The following CERS6 variants were observed in gnomAD, a reference collection of about 807,000 sequenced individuals.
CERS6 encodes LAG1 homolog, ceramide synthase 6.
Under a neutral mutation model 56.8 loss-of-function variants are expected in CERS6, and 26 were observed. That is an observed-to-expected ratio of 0.46 (90% CI 0.34 to 0.63). The LOEUF (loss-of-function observed/expected upper bound fraction) is 0.63. Ranked by LOEUF, CERS6 falls within the 30% of genes least tolerant of loss-of-function variation. CERS6 has a pLI of 0.01. For missense variants in CERS6, 415 were observed against 467.5 expected (o/e 0.89, Z 1.04); for synonymous variants, 164 against 173.3 (o/e 0.95, Z 0.42).
At chr2:168,493,206 AT>A (rs1199774608) in intron 1 of CERS6, among the ~76,000 whole-genome samples, 4 of 151,954 alleles carry the variant, frequency 2.6e-5, no homozygotes, top group Non-Finnish European at 4.4e-5. Context: ...ATGAAAAAAA[AT>A]TTTTTTTCTT....
At chr2:168,470,798 T>C (rs1229867746) in intron 1 of CERS6, among the ~76,000 whole-genome samples, 1 of 152,216 alleles carries the variant, frequency 6.6e-6, no homozygotes, top group Non-Finnish European at 1.5e-5. Flanking sequence ...ATGTGTTTTA[T>C]GTTCATAGTT....
chr2:168,670,432 G>T (rs1201181108), intron 4 of CERS6, among the ~76,000 whole-genome samples: 3 of 152,130 alleles, frequency 2.0e-5, no homozygotes, highest in Non-Finnish European at 4.4e-5. Context: ...AGCAAAGACT[G>T]CACCTAAGGA....
chr2:168,715,958 TA>T lies in CERS6; in HGVS notation c.738+831del, dbSNP rs761567080. On this transcript the variant is annotated intron_variant, in intron 7 of 9. Transcript: ENST00000305747. Reference sequence around the variant, plus strand: ...TTCCTTTAGGCCCACCGTTTTGCTTTAAGTGCTTTGTTTTGCCACCTTTGAA... The same window carrying T: ...TTCCTTTAGGCCCACCGTTTTGCTTTAGTGCTTTGTTTTGCCACCTTTGAA... Among the ~76,000 whole-genome samples the T allele has an allele frequency of 3.5e-4, 53 of 152,296 alleles. 1 individual carries two copies. The highest frequency in any genetic ancestry group is 1.4e-3 in the Admixed American group (22 of 15,292).
chr2:168,511,950 GCACACACACACACA>G (rs10568314), intron 1 of CERS6, among the ~76,000 whole-genome samples: 1 of 148,540 alleles, frequency 6.7e-6, no homozygotes, highest in East Asian at 2.0e-4. Flanking sequence ...GCATGCACGT[GCACACACACACACA>G]CACACACACA....
chr2:168,473,475 T>C (rs1484127180), intron 1 of CERS6, among the ~76,000 whole-genome samples: 2 of 152,160 alleles, frequency 1.3e-5, no homozygotes, highest in Non-Finnish European at 2.9e-5. Flanking sequence ...CTGAATTCTT[T>C]TCGGTTTTCC....
intron 1 of CERS6, among the ~76,000 whole-genome samples, chr2:168,491,628 T>C (rs543130913): frequency 6.6e-6 from 1 of 152,300 alleles, no homozygotes; most frequent in Non-Finnish European, 1.5e-5. Context: ...GTTTTCTAGC[T>C]TCTCTTTTTT....
rs187010711 is a variant in CERS6 at position 168,766,931 on chromosome 2, C to G, written c.1002+1183C>G. The stretch of plus-strand genomic sequence containing the variant: ...TAATTATTTTGATCAATTAATTGTT[C>G]AGAAGCTAAAGTTCATTTTTCTCTG... On this transcript the variant is annotated intron_variant, in intron 9 of 9. Transcript: ENST00000305747. Among the ~76,000 whole-genome samples, 128 of 152,302 alleles carry G rather than the reference C, an allele frequency of 8.4e-4. 1 individual carries two copies. The highest frequency in any genetic ancestry group is 9.1e-4 in the Non-Finnish European group (62 of 68,020).
intron 6 of CERS6, among the ~76,000 whole-genome samples, chr2:168,701,103 C>T (rs78200030): frequency 0.014 from 2,098 of 152,272 alleles, 53 homozygotes; most frequent in African/African-American, 0.048. Context: ...GGGGGCTGCT[C>T]CGTCAGCCTG....
At chr2:168,730,127 A>C (rs888516730) in intron 8 of CERS6, among the ~76,000 whole-genome samples, 2 of 152,226 alleles carry the variant, frequency 1.3e-5, no homozygotes, top group Non-Finnish European at 1.5e-5. Flanking sequence ...GACAAGAGTG[A>C]CTTAGTAGCT....
chr2:168,615,648 T>C (rs1205964914), intron 3 of CERS6, among the ~76,000 whole-genome samples: 1 of 152,056 alleles, frequency 6.6e-6, no homozygotes. Context: ...GTTTTTGAAT[T>C]AACACAGTCC....
chr2:168,570,116 G>A (rs1310632228), intron 3 of CERS6, among the ~76,000 whole-genome samples: 1 of 152,090 alleles, frequency 6.6e-6, no homozygotes, highest in African/African-American at 2.4e-5. Context: ...GAGGAGGAGA[G>A]ATCCAAGAAG....
intron 8 of CERS6, among the ~76,000 whole-genome samples, chr2:168,729,296 AG>A (rs1459309361): frequency 1.3e-5 from 2 of 152,326 alleles, no homozygotes; most frequent in East Asian, 1.9e-4. Context: ...CACTTACTTG[AG>A]AGAACTGATG....
chr2:168,551,710 A>G (rs1442052535), intron 2 of CERS6, among the ~76,000 whole-genome samples: 2 of 152,186 alleles, frequency 1.3e-5, no homozygotes, highest in African/African-American at 4.8e-5. Context: ...GTAGAGTGTT[A>G]CGTCATGTTT....
At chr2:168,661,578 G>A (rs758304456) in intron 4 of CERS6, among the ~76,000 whole-genome samples, 19 of 152,168 alleles carry the variant, frequency 1.2e-4, no homozygotes, top group Non-Finnish European at 2.1e-4. Context: ...GTTCAGAGGG[G>A]TATTGTTTTC....
chr2:168,596,763 C>T (rs1683809781), intron 3 of CERS6, among the ~76,000 whole-genome samples: 1 of 152,002 alleles, frequency 6.6e-6, no homozygotes. Context: ...ACCATGTTGG[C>T]CAGGCTGATC....
At chr2:168,648,987 G>A (rs1244143179) in intron 4 of CERS6, among the ~76,000 whole-genome samples, 3 of 152,154 alleles carry the variant, frequency 2.0e-5, no homozygotes, top group African/African-American at 4.8e-5. Flanking sequence ...GGAGAGTTCT[G>A]TAGAACTCTA....
chr2:168,657,966 G>A (rs939556068), intron 4 of CERS6, among the ~76,000 whole-genome samples: 12 of 152,222 alleles, frequency 7.9e-5, no homozygotes, highest in African/African-American at 1.9e-4. Context: ...GAGAGCAAGC[G>A]AGGGCTCTGA....
rs780908134 is a variant in CERS6, at chr2:168,456,478, C to T, written c.30C>T (p.Asn10=). 3.7e-6 allele frequency: 6 copies of T among 1,613,778 alleles called. 1 individual carries two copies. Among genetic ancestry groups the T allele is most frequent in the Middle Eastern group, 3.3e-4 (2 of 6,082 alleles). The change falls in exon 1 of 10, where the codon AAC becomes AAT. Residue 10 remains asparagine (N), a synonymous_variant. Transcript: ENST00000305747. The surrounding 1 kb of genome is among the most constrained non-coding windows in gnomAD (Gnocchi z 4.1). MAGILAWFW[N]ERFWLPHNVT... ...CAGGGATCTTAGCCTGGTTCTGGAACGAGAGGTTTTGGCTCCCGCACAATG... is the reference window on the plus strand; with the variant it reads ...CAGGGATCTTAGCCTGGTTCTGGAATGAGAGGTTTTGGCTCCCGCACAATG...
chr2:168,495,617 A>G (rs1694452688), intron 1 of CERS6, among the ~76,000 whole-genome samples: 1 of 152,218 alleles, frequency 6.6e-6, no homozygotes, highest in Non-Finnish European at 1.5e-5. Context: ...TGGTTGGGGC[A>G]TCTAGCAGTA....
Sources: gnomAD v4.1 joint callset for allele counts (sites outside exome capture counted in the v4.1 genomes callset) on GRCh38, gnomAD v4.1.1 for gene constraint, Gnocchi (gnomAD v3.1) non-coding constraint, MANE v1.5 for transcripts, NCBI Gene and HGNC (gene_info 2026-07-23, HGNC 2026-07-21) for gene names.